The following C4orf51 variants were observed in gnomAD, a reference collection of about 807,000 sequenced individuals.
The protein encoded by C4orf51 is uncharacterized protein C4orf51.
Under a neutral mutation model 25.2 loss-of-function variants are expected in C4orf51, and 25 were observed. The observed-to-expected ratio is 0.99, with a 90% confidence interval of 0.72 to 1.39. C4orf51 has a LOEUF of 1.39. Among genes scored for constraint, C4orf51 ranks in the 40% most tolerant of loss-of-function variants. C4orf51 has a pLI of 0.00. For synonymous variants in C4orf51, 100 were observed against 84.5 expected (o/e 1.18, Z -1.01); for missense variants, 252 against 239.6 (o/e 1.05, Z -0.34).
At chr4:145,757,348 T>A (rs914021586), downstream of C4orf51, among the ~76,000 whole-genome samples, 1 of 152,192 alleles carries the variant, frequency 6.6e-6, no homozygotes, top group Non-Finnish European at 1.5e-5. Context: ...CACTTTTAAA[T>A]GTCACTAAGT....
intron 2 of C4orf51, among the ~76,000 whole-genome samples, chr4:145,714,588 T>G (rs1731300897): frequency 6.6e-6 from 1 of 152,260 alleles, no homozygotes; most frequent in East Asian, 1.9e-4. Context: ...TGTGTTCTCT[T>G]CGTGGCTCAC....
At chr4:145,697,188 C>T (rs1730125503) in intron 2 of C4orf51, among the ~76,000 whole-genome samples, 1 of 150,890 alleles carries the variant, frequency 6.6e-6, no homozygotes, top group Non-Finnish European at 1.5e-5. Flanking sequence ...CAAACTTTGC[C>T]TCCTGGGTTC....
rs1349315446 is a variant in C4orf51, at chr4:145,729,753, G to A, written c.428-139G>A. Reference sequence around the variant, plus strand: ...GCAAGAGGCATTTGTCACTCATGCTGGTGGCAGAGGAGGGGGCTGTGTATG... The same window carrying A: ...GCAAGAGGCATTTGTCACTCATGCTAGTGGCAGAGGAGGGGGCTGTGTATG... On this transcript the variant is annotated intron_variant, in intron 4 of 5. Transcript: ENST00000438731. 7.6e-6 allele frequency: 5 copies of A among 654,866 alleles called. No homozygotes were observed. The Admixed American group carries it at 1.2e-4, about 16-fold the overall frequency. The allele number at this position is 654,866 out of a possible 1,614,324, so 40.6% of individuals were successfully genotyped here.
Position 145,683,814 on chromosome 4 carries a change from C to T in C4orf51, c.233+3378C>T, listed in dbSNP as rs76698660. The stretch of plus-strand genomic sequence containing the variant: ...ACTCCTAGAAGATAACAGGAGAAAC[C>T]TTAAATGACTTTGGGTATGGCAATG... On this transcript the variant is annotated intron_variant, in intron 1 of 5. Coordinates refer to ENST00000438731, the MANE Select transcript of C4orf51 (RefSeq NM_001080531.3). Among the ~76,000 whole-genome samples the T allele has an allele frequency of 6.3e-3, 956 of 152,180 alleles. 12 individuals are homozygous for T. Among genetic ancestry groups the T allele is most frequent in the African/African-American group, 0.022 (906 of 41,516 alleles).
At chr4:145,699,487 A>G (rs1019803235) in intron 2 of C4orf51, among the ~76,000 whole-genome samples, 9 of 151,780 alleles carry the variant, frequency 5.9e-5, no homozygotes, top group Non-Finnish European at 1.2e-4. Context: ...TCTCCTTTCA[A>G]TCTTGGCGCC....
intron 1 of C4orf51, among the ~76,000 whole-genome samples, chr4:145,683,015 TA>T (rs965471388): frequency 1.3e-5 from 2 of 151,506 alleles, no homozygotes; most frequent in Non-Finnish European, 1.5e-5. Flanking sequence ...AAAAAAATTT[TA>T]AAAAAAAATC....
chr4:145,742,493 C>T (rs1212993246), intron 1 of C4orf51, among the ~76,000 whole-genome samples: 1 of 149,584 alleles, frequency 6.7e-6, no homozygotes, highest in African/African-American at 2.5e-5. Flanking sequence ...CTTTGGAATA[C>T]ATTTTCAGTT....
Position 145,761,039 on chromosome 4 carries a change from G to A in C4orf51, n.167-9949G>A, listed in dbSNP as rs1395568323. 9 of 1,286,326 alleles carry A rather than the reference G, an allele frequency of 7.0e-6. No homozygotes were observed. In the East Asian group the frequency reaches 3.9e-4, roughly 56 times the overall value. 79.7% of individuals were successfully genotyped at this position (1,286,326 alleles called of 1,614,324 possible). A position where few individuals can be genotyped will look rare whatever the true frequency, so the allele number is the denominator to read the frequency against. ...GAGCTGCTGCCGTGGGCTGCCGACA[G>A]GGCCACGGTCTGCAGAGCCTGGGAG... On this transcript the variant is annotated intron_variant and non_coding_transcript_variant, in intron 1 of 1. Transcript: ENST00000510096. This position sits in a 1 kb window ranked among gnomAD's most constrained non-coding sequence, Gnocchi z 6.8.
intron 2 of C4orf51, among the ~76,000 whole-genome samples, chr4:145,706,541 T>A (rs1730821064): frequency 6.6e-6 from 1 of 152,222 alleles, no homozygotes; most frequent in Non-Finnish European, 1.5e-5. Context: ...TTTATTGGCT[T>A]CATAATTCCA....
At chr4:145,767,297 T>C (rs563355742) in intron 1 of C4orf51, among the ~76,000 whole-genome samples, 1 of 152,114 alleles carries the variant, frequency 6.6e-6, no homozygotes, top group African/African-American at 2.4e-5. Flanking sequence ...GAGGAAAAGA[T>C]GAGTAAACCT....
In C4orf51 at chr4:145,721,344, C is replaced by CAA. The variant is rs11299166; in HGVS notation, c.308-5550_308-5549dup. Among the ~76,000 whole-genome samples, 283 of 107,304 alleles carry CAA rather than the reference C, an allele frequency of 2.6e-3. 1 individual carries two copies. Among genetic ancestry groups the CAA allele is most frequent in the African/African-American group, 7.3e-3 (221 of 30,194 alleles). The allele number at this position is 107,304 out of a possible 152,430, so 70.4% of individuals were successfully genotyped here. On this transcript the variant is annotated intron_variant, in intron 2 of 5. Coordinates refer to ENST00000438731, the MANE Select transcript of C4orf51 (RefSeq NM_001080531.3). Reference sequence around the variant, plus strand: ...TGGGCGACAGAGTGAGACTCTGTCTCAAAAAAAAAAAAAAAAAAGATCACA... The same window carrying CAA: ...TGGGCGACAGAGTGAGACTCTGTCTCAAAAAAAAAAAAAAAAAAAAGATCACA...
chr4:145,741,048 C>T (rs905152620), intron 1 of C4orf51, among the ~76,000 whole-genome samples: 1 of 152,156 alleles, frequency 6.6e-6, no homozygotes, highest in Non-Finnish European at 1.5e-5. Context: ...CCCTCCTCCT[C>T]CTCACAAAGG....
rs1174244412 is a variant in C4orf51, at chr4:145,727,922, TAA to T, written c.366+956_366+957del. On this transcript the variant is annotated intron_variant, in intron 3 of 5. Coordinates refer to ENST00000438731, the MANE Select transcript of C4orf51 (RefSeq NM_001080531.3). ...ATATATATATATATATATATATATA[TAA>T]AATATATTATATATATACATTATAT... Among the ~76,000 whole-genome samples, 135 of 96,932 alleles carry T rather than the reference TAA, an allele frequency of 1.4e-3. 5 individuals are homozygous for T. The South Asian group carries it at 0.033, about 24-fold the overall frequency. 63.6% of individuals were successfully genotyped at this position (96,932 alleles called of 152,430 possible).
intron 1 of C4orf51, among the ~76,000 whole-genome samples, chr4:145,691,853 C>A (rs1265301155): frequency 1.2e-5 from 1 of 84,924 alleles, no homozygotes; most frequent in African/African-American, 6.7e-5. Context: ...TCAATATAAG[C>A]CTAAACTTCG....
intron 1 of C4orf51, among the ~76,000 whole-genome samples, chr4:145,690,802 T>C (rs28825402): frequency 6.6e-6 from 1 of 151,824 alleles, no homozygotes; most frequent in African/African-American, 2.4e-5. Context: ...AACAAACCCA[T>C]CAAAAAGTGC....
At chr4:145,709,498 T>C (rs1731018649) in intron 2 of C4orf51, among the ~76,000 whole-genome samples, 1 of 152,234 alleles carries the variant, frequency 6.6e-6, no homozygotes, top group Non-Finnish European at 1.5e-5. Flanking sequence ...CCCATGTCTT[T>C]GTTGCCATGC....
At chr4:145,712,790 C>G (rs1031257900) in intron 2 of C4orf51, among the ~76,000 whole-genome samples, 3 of 152,202 alleles carry the variant, frequency 2.0e-5, no homozygotes, top group Non-Finnish European at 2.9e-5. Context: ...GAAGAAGATG[C>G]CATCTAGAAC....
At position 145,762,018 on chromosome 4, in the gene C4orf51, G is replaced by C. The variant is rs1734595115; in HGVS notation, n.167-8970G>C. 6.6e-6 allele frequency among the ~76,000 whole-genome samples: 1 copy of C among 152,008 alleles called. No homozygotes were observed. The highest frequency in any genetic ancestry group is 6.5e-5 in the Admixed American group (1 of 15,270). On this transcript the variant is annotated intron_variant and non_coding_transcript_variant, in intron 1 of 1. Coordinates refer to the C4orf51 transcript ENST00000510096. This position sits in a 1 kb window ranked among gnomAD's most constrained non-coding sequence, Gnocchi z 4.9. ...CCCCTCTAGATGGGAGCAACACAAA[G>C]AATCGACTTTTCATGCACCACACCA... is the stretch of plus-strand genomic sequence containing the variant.
intron 1 of C4orf51, among the ~76,000 whole-genome samples, chr4:145,744,992 C>A (rs978808763): frequency 1.3e-5 from 2 of 152,032 alleles, no homozygotes; most frequent in Non-Finnish European, 2.9e-5. Context: ...ATATCTTTGA[C>A]CCTTAGTTTT....
Sources: allele counts gnomAD v4.1 joint callset (sites outside exome capture counted in the v4.1 genomes callset), GRCh38; gene constraint gnomAD v4.1.1; non-coding constraint Gnocchi (gnomAD v3.1); transcripts MANE v1.5; gene names NCBI Gene and HGNC (gene_info 2026-07-23, HGNC 2026-07-21).